Variants in GPHN observed in about 807,000 individuals in gnomAD.
GPHN encodes the protein gephyrin.
GPHN carries 17 observed loss-of-function variants against 95.5 expected under a neutral mutation model. The observed-to-expected ratio is 0.18, with a 90% CI of 0.12 to 0.27. The LOEUF (loss-of-function observed/expected upper bound fraction) is 0.27, where lower values mean the gene tolerates loss of function less well. Ranked by LOEUF, GPHN falls within the 10% of genes least tolerant of loss-of-function variation. The probability of loss-of-function intolerance (pLI) is 1.00; values close to 1 mark genes in which losing one functional copy is unlikely to be tolerated. For missense variants in GPHN, 660 were observed against 978.1 expected (o/e 0.67, Z 4.34); for synonymous variants, 320 against 322.5 (o/e 0.99, Z 0.08).
intron 1 of GPHN, among the ~76,000 whole-genome samples, chr14:66,520,175 ATAT>A (rs1197733169): frequency 6.6e-6 from 1 of 152,176 alleles, no homozygotes; most frequent in Non-Finnish European, 1.5e-5. Context: ...GTAGATAATA[ATAT>A]TATACATTTA....
intron 3 of GPHN, among the ~76,000 whole-genome samples, chr14:66,796,992 G>C (rs549776275): frequency 9.7e-6 from 1 of 103,076 alleles, no homozygotes; most frequent in Non-Finnish European, 2.1e-5. Flanking sequence ...TTTGATTTTT[G>C]TATATGGTGA....
At chr14:66,832,985 CAG>C (rs1312060906) in intron 4 of GPHN, among the ~76,000 whole-genome samples, 2 of 152,104 alleles carry the variant, frequency 1.3e-5, no homozygotes, top group Non-Finnish European at 2.9e-5. Context: ...CTGGCTAAAA[CAG>C]AGAATTCACT....
chr14:67,170,743 T>G (rs1208864921), intron 21 of GPHN, among the ~76,000 whole-genome samples: 2 of 152,246 alleles, frequency 1.3e-5, no homozygotes, highest in African/African-American at 4.8e-5. Context: ...GTATGGGTCA[T>G]CAGTATGCTT....
the GPHN span, chr14:67,272,121 A>C: frequency 6.6e-6 from 1 of 152,040 alleles, no homozygotes; most frequent in Non-Finnish European, 1.5e-5. Flanking sequence ...CCAGGGGTAA[A>C]TAATTAAATT....
At chr14:67,203,165 C>T in the GPHN span, 3 of 1,613,912 alleles carry the variant, frequency 1.9e-6, no homozygotes, top group Non-Finnish European at 2.5e-6. Flanking sequence ...TCTGTTTTTC[C>T]AGCTCCACCC....
chr14:67,629,160 C>T, the GPHN span, among the ~76,000 whole-genome samples: 1 of 152,074 alleles, frequency 6.6e-6, no homozygotes, highest in Admixed American at 6.6e-5. Flanking sequence ...TTAGCGAGTC[C>T]CAATCTCCAC....
intron 1 of GPHN, among the ~76,000 whole-genome samples, chr14:66,670,774 A>G (rs539686043): frequency 6.6e-6 from 1 of 152,362 alleles, no homozygotes; most frequent in East Asian, 1.9e-4. Context: ...CCTGGGCGAC[A>G]GAGCAACACT....
At chr14:67,297,336 T>C in the GPHN span, among the ~76,000 whole-genome samples, 1 of 152,206 alleles carries the variant, frequency 6.6e-6, no homozygotes, top group Admixed American at 6.5e-5. Flanking sequence ...TGCACACACA[T>C]ATCTCATTTA....
chr14:67,352,688 G>A, the GPHN span: 1 of 394,404 alleles, frequency 2.5e-6, no homozygotes, highest in South Asian at 3.8e-5. Flanking sequence ...TCTAAATAAG[G>A]TAAGAGAGGC....
the GPHN span, among the ~76,000 whole-genome samples, chr14:67,339,091 C>T: frequency 2.0e-5 from 3 of 148,958 alleles, no homozygotes; most frequent in African/African-American, 5.0e-5. Flanking sequence ...TCCACCTTTG[C>T]GTTCAAGCAA....
chr14:66,934,100 C>T (rs1266015907), intron 8 of GPHN, among the ~76,000 whole-genome samples: 1 of 144,712 alleles, frequency 6.9e-6, no homozygotes. Flanking sequence ...GATCATACTA[C>T]TGCACTTCAA....
At chr14:67,269,978 C>G in the GPHN span, 1 of 152,184 alleles carries the variant, frequency 6.6e-6, no homozygotes, top group Non-Finnish European at 1.5e-5. Flanking sequence ...TTCTAGAGTT[C>G]TGGACACTAG....
chr14:66,727,599 A>G (rs1281301726), intron 2 of GPHN, among the ~76,000 whole-genome samples: 1 of 152,198 alleles, frequency 6.6e-6, no homozygotes, highest in Non-Finnish European at 1.5e-5. Flanking sequence ...GACACTTGTT[A>G]TGTTTTAGCA....
chr14:67,669,034 T>TCAGGCAG, the GPHN span, among the ~76,000 whole-genome samples: 1 of 152,204 alleles, frequency 6.6e-6, no homozygotes, highest in Admixed American at 6.5e-5. Context: ...AGCTCTATTA[T>TCAGGCAG]CAGGCAGTAT....
intron 1 of GPHN, among the ~76,000 whole-genome samples, chr14:66,532,121 A>G (rs193002486): frequency 2.6e-5 from 4 of 152,366 alleles, no homozygotes; most frequent in Non-Finnish European, 5.9e-5. Context: ...CCTGCATGTG[A>G]ATCGAACTTT....
chr14:67,511,730 C>T, the GPHN span, among the ~76,000 whole-genome samples: 83 of 152,294 alleles, frequency 5.4e-4, no homozygotes, highest in African/African-American at 1.8e-3. Flanking sequence ...ACTCTGTGAC[C>T]TCCGCTCCAC....
At chr14:67,182,814 A>G (rs1470927930), downstream of GPHN, among the ~76,000 whole-genome samples, 1 of 151,834 alleles carries the variant, frequency 6.6e-6, no homozygotes, top group Non-Finnish European at 1.5e-5. Context: ...ATGAGATTTC[A>G]AGGAGTAAGA....
chr14:67,324,673 C>G, the GPHN span, among the ~76,000 whole-genome samples: 2 of 151,970 alleles, frequency 1.3e-5, no homozygotes, highest in African/African-American at 4.8e-5. Context: ...CAGGCGCAGA[C>G]TCTGGGCCCA....
chr14:67,315,998 T>TA, the GPHN span, among the ~76,000 whole-genome samples: 1 of 152,234 alleles, frequency 6.6e-6, no homozygotes, highest in African/African-American at 2.4e-5. Context: ...TTAGTACACT[T>TA]ACGAAATGCA....
Sources: allele counts gnomAD v4.1 joint callset (sites outside exome capture counted in the v4.1 genomes callset), GRCh38; gene constraint gnomAD v4.1.1; transcripts MANE v1.5; gene names NCBI Gene and HGNC (gene_info 2026-07-23, HGNC 2026-07-21).